PRRC2B: variants seen among roughly 807,000 people sequenced by gnomAD.
The protein encoded by PRRC2B is protein PRRC2B.
In PRRC2B, 68 loss-of-function variants were observed where a neutral mutation model predicts 242.3. That is an observed-to-expected ratio of 0.28 (90% confidence interval 0.23 to 0.34). The LOEUF (loss-of-function observed/expected upper bound fraction) is 0.34. Among genes scored for constraint, PRRC2B ranks in the 10% least tolerant of loss-of-function variants. The pLI is 1.00. For synonymous variants in PRRC2B, 1,228 were observed against 1,173.6 expected (o/e 1.05, Z -0.95); for missense variants, 2,835 against 2,954.8 (o/e 0.96, Z 0.94).
In PRRC2B at chr9:131,378,947, G is replaced by A. The variant is rs186931323; in HGVS notation, c.-56+5216G>A. On this transcript the variant is annotated intron_variant, in intron 1 of 1. Transcript: ENST00000682525. Reference sequence around the variant, plus strand: ...TTGGCCAGGCTGGTCTTGAACTCCTGACCTCAAGTGATCTGCCCACCTCGG... The same window carrying A: ...TTGGCCAGGCTGGTCTTGAACTCCTAACCTCAAGTGATCTGCCCACCTCGG... Among the ~76,000 whole-genome samples, 370 of 152,272 alleles carry A rather than the reference G, an allele frequency of 2.4e-3. 1 individual carries two copies. The highest frequency in any genetic ancestry group is 4.1e-3 in the Non-Finnish European group (281 of 68,020).
intron 1 of PRRC2B, among the ~76,000 whole-genome samples, chr9:131,422,628 G>T (rs1198074532): frequency 1.3e-5 from 2 of 152,202 alleles, no homozygotes; most frequent in African/African-American, 4.8e-5. Flanking sequence ...CCTGTTACCC[G>T]GAAATGGCTT....
rs956719620 is a variant in PRRC2B at position 131,487,778 on chromosome 9, G to C, written c.5985-78G>C. 1.3e-5 allele frequency: 20 copies of C among 1,538,460 alleles called. No individual in the cohort carries two copies. Among genetic ancestry groups the C allele is most frequent in the Non-Finnish European group, 1.8e-5 (20 of 1,136,956 alleles). On this transcript the variant is annotated intron_variant, in intron 27 of 31. Transcript: ENST00000683519. The surrounding 1 kb of genome is among the most constrained non-coding windows in gnomAD (Gnocchi z 5.3). ...GGATCTGTGGTTTAGCAAGCTCTCC[G>C]GGGATCTCTGAAGGGTGGGACCAGA...
chr9:131,439,099 G>A lies in PRRC2B; in HGVS notation c.469+38G>A, dbSNP rs45534131. On this transcript the variant is annotated intron_variant, in intron 5 of 31. Transcript: ENST00000683519. ...GTGTGTGTGTTGTTTGGGGACGCTG[G>A]GGAGAGGGAGGTGAATGCCTTTTCC... 6.5e-3 allele frequency: 10,252 copies of A among 1,572,840 alleles called. 51 individuals carry two copies. The highest frequency in any genetic ancestry group is 7.6e-3 in the Non-Finnish European group (8,722 of 1,145,728).
chr9:131,447,977 A>T (rs2994065), intron 9 of PRRC2B, 173 bp downstream of exon 9: 5 of 531,238 alleles, frequency 9.4e-6, no homozygotes, highest in African/African-American at 3.8e-5. Flanking sequence ...CCCTGACTAG[A>T]GGTTCCTTCC....
intron 9 of PRRC2B, among the ~76,000 whole-genome samples, chr9:131,454,575 A>G (rs140911102): frequency 1.3e-5 from 2 of 152,034 alleles, no homozygotes; most frequent in Non-Finnish European, 2.9e-5. Context: ...CTGCTGGGAT[A>G]GCGAGATTTC....
chr9:131,466,492 T>A (rs1000904418), intron 12 of PRRC2B, among the ~76,000 whole-genome samples: 10 of 152,190 alleles, frequency 6.6e-5, no homozygotes, highest in African/African-American at 2.4e-4. Flanking sequence ...TTTCCTCTTT[T>A]AAAAAAATGT....
In PRRC2B at chr9:131,475,463, C is replaced by T. The variant is rs780412269; in HGVS notation, c.3334C>T (p.Leu1112=). The change falls in exon 16 of 32, where the codon CTG becomes TTG. Residue 1112 remains leucine (L), a synonymous_variant. Coordinates refer to ENST00000683519, the MANE Select transcript of PRRC2B (RefSeq NM_013318.4). ...SSQRSGRGRG[L]REFARPEDCP... ...TCAGCGCAGCGGCCGTGGCCGGGGC[C>T]TGCGAGAGTTTGCGCGGCCAGAGGA... is the stretch of plus-strand genomic sequence containing the variant. 36 of 1,587,932 alleles carry T rather than the reference C, an allele frequency of 2.3e-5. No individual in the cohort carries two copies. The highest frequency in any genetic ancestry group is 3.0e-5 in the Non-Finnish European group (35 of 1,166,688).
At position 131,437,180 on chromosome 9, in the gene PRRC2B, C is replaced by T. The variant is rs114431652; in HGVS notation, c.396+458C>T. ...TCCTTTACTGCGGTACTTCTCAGTG[C>T]CTTTCATATGCTAATACCTAATGTG... On this transcript the variant is annotated intron_variant, in intron 4 of 31. Coordinates refer to ENST00000683519, the MANE Select transcript of PRRC2B (RefSeq NM_013318.4). 2.9e-3 allele frequency among the ~76,000 whole-genome samples: 435 copies of T among 152,260 alleles called. 1 individual carries two copies. Among genetic ancestry groups the T allele is most frequent in the Middle Eastern group, 0.014 (4 of 294 alleles).
At chr9:131,448,244 T>TA (rs1838869929) in intron 9 of PRRC2B, 1 of 152,560 alleles carries the variant, frequency 6.6e-6, no homozygotes, top group African/African-American at 2.4e-5. Context: ...CAAGGAGCAG[T>TA]AAAAAATATA....
At position 131,481,776 on chromosome 9, in the gene PRRC2B, G is replaced by T; in HGVS notation, c.4951G>T (p.Ala1651Ser). 1 of 1,564,114 alleles carries T rather than the reference G, an allele frequency of 6.4e-7. No homozygotes were observed. Among genetic ancestry groups the T allele is most frequent in the Non-Finnish European group, 8.7e-7 (1 of 1,155,800 alleles). ...CGACTCCTGGAGGAAAGCTGTCACTGCCTTCAGCAGCACCGAGACTGGCTC... is the reference window on the plus strand; with the variant it reads ...CGACTCCTGGAGGAAAGCTGTCACTTCCTTCAGCAGCACCGAGACTGGCTC... ...ANDSWRKAVT[A>S]FSSTETGSAE... Residue 1651 changes from alanine (A) to serine (S), a missense_variant, in exon 20 of 32, where the codon GCC (alanine) becomes TCC (serine). Coordinates refer to ENST00000683519, the MANE Select transcript of PRRC2B (RefSeq NM_013318.4).
intron 17 of PRRC2B, 52 bp downstream of exon 17, chr9:131,478,001 C>T (rs1436281770): frequency 1.3e-6 from 2 of 1,541,244 alleles, no homozygotes; most frequent in African/African-American, 2.7e-5. Flanking sequence ...AACCAGGGGC[C>T]ATGCAGTCCT....
At chr9:131,445,279 GGCTCCC>G (rs1838761503) in intron 6 of PRRC2B, among the ~76,000 whole-genome samples, 1 of 152,088 alleles carries the variant, frequency 6.6e-6, no homozygotes, top group Non-Finnish European at 1.5e-5. Flanking sequence ...TCCTGCCTCA[GGCTCCC>G]GAGTAGCTGG....
At chr9:131,444,748 A>G (rs1001205174) in intron 6 of PRRC2B, among the ~76,000 whole-genome samples, 2 of 152,100 alleles carry the variant, frequency 1.3e-5, no homozygotes, top group African/African-American at 2.4e-5. Flanking sequence ...CCCCAGCCCA[A>G]TTAGGACCTG....
At chr9:131,401,904 G>C (rs887198497) in intron 1 of PRRC2B, among the ~76,000 whole-genome samples, 16 of 151,796 alleles carry the variant, frequency 1.1e-4, no homozygotes, top group African/African-American at 3.9e-4. Context: ...CAGGTGATCT[G>C]CCCACCTCGA....
intron 1 of PRRC2B, among the ~76,000 whole-genome samples, chr9:131,381,417 CTTTTTTTT>C (rs34806343): frequency 9.8e-6 from 1 of 102,460 alleles, no homozygotes; most frequent in Non-Finnish European, 2.0e-5. Context: ...AGTTCTGGTT[CTTTTTTTT>C]TTTTTTTTTT....
At chr9:131,469,506 T>G (rs1943482447) in intron 13 of PRRC2B, among the ~76,000 whole-genome samples, 1 of 152,050 alleles carries the variant, frequency 6.6e-6, no homozygotes. Context: ...GTCTCTTGAT[T>G]GATGAGCTAT....
intron 11 of PRRC2B, among the ~76,000 whole-genome samples, chr9:131,464,464 G>T (rs1273806716): frequency 1.3e-5 from 2 of 152,146 alleles, no homozygotes; most frequent in African/African-American, 4.8e-5. Flanking sequence ...GTCGTGTGCG[G>T]GTCGCATGTT....
intron 16 of PRRC2B, 84 bp downstream of exon 16, chr9:131,476,619 GC>G (rs1450645972): frequency 4.6e-6 from 6 of 1,291,212 alleles, no homozygotes; most frequent in Non-Finnish European, 6.3e-6. Context: ...TGCCGATGCC[GC>G]CGTGTGTCGG....
At chr9:131,418,110 G>C (rs1837706995) in intron 1 of PRRC2B, among the ~76,000 whole-genome samples, 2 of 152,266 alleles carry the variant, frequency 1.3e-5, no homozygotes, top group Non-Finnish European at 1.5e-5. Context: ...TGCAGGGGGT[G>C]ATGGTGTCAC....
Sources: gnomAD v4.1 joint callset for allele counts (sites outside exome capture counted in the v4.1 genomes callset) on GRCh38, gnomAD v4.1.1 for gene constraint, Gnocchi (gnomAD v3.1) non-coding constraint, MANE v1.5 for transcripts, NCBI Gene and HGNC (gene_info 2026-07-23, HGNC 2026-07-21) for gene names.